The following MCM6 variants were observed in gnomAD, a reference collection of about 807,000 sequenced individuals.
MCM6 encodes the protein minichromosome maintenance complex component 6.
MCM6 carries 46 observed loss-of-function variants against 94.3 expected under a neutral mutation model. The ratio of observed to expected loss-of-function variants is 0.49; its 90% CI spans 0.39 to 0.62. The LOEUF is 0.62. Among genes scored for constraint, MCM6 ranks in the 20% least tolerant of loss-of-function variants. The pLI, the probability that MCM6 is intolerant of heterozygous loss-of-function variation, is 0.00. For synonymous variants in MCM6, 335 were observed against 351.9 expected (o/e 0.95, Z 0.54); for missense variants, 865 against 1,017.9 (o/e 0.85, Z 2.04).
intron 14 of MCM6, among the ~76,000 whole-genome samples, chr2:135,847,031 CA>C (rs963436530): frequency 1.0e-4 from 15 of 148,988 alleles, no homozygotes; most frequent in African/African-American, 3.7e-4. Context: ...AAAAAACAAA[CA>C]AAAAAAAACA....
At chr2:135,854,303 C>T (rs1402191549) in intron 11 of MCM6, among the ~76,000 whole-genome samples, 3 of 151,882 alleles carry the variant, frequency 2.0e-5, no homozygotes, top group Non-Finnish European at 2.9e-5. Context: ...GAGGCCAAGA[C>T]GGGATCACCT....
chr2:135,844,479 C>G, intron 16 of MCM6, 66 bp downstream of exon 16: 1 of 1,344,502 alleles, frequency 7.4e-7, no homozygotes. Context: ...CACTAGTGAA[C>G]CTGCAGATAC....
chr2:135,851,918 G>A, intron 12 of MCM6: 1 of 159,280 alleles, frequency 6.3e-6, no homozygotes, highest in Non-Finnish European at 1.4e-5. Context: ...AGTATTTGAG[G>A]CTCAATTAAT....
intron 7 of MCM6, among the ~76,000 whole-genome samples, chr2:135,863,387 T>C (rs4988189): frequency 0.029 from 4,481 of 152,308 alleles, 93 homozygotes; most frequent in East Asian, 0.061. Flanking sequence ...CAAAGTGCTA[T>C]GCAAAGTTAC....
At chr2:135,867,466 TACCA>T (rs1680112578) in intron 4 of MCM6, among the ~76,000 whole-genome samples, 1 of 152,182 alleles carries the variant, frequency 6.6e-6, no homozygotes, top group South Asian at 2.1e-4. Context: ...TCTTATAAGC[TACCA>T]GGTTAATGTA....
At position 135,852,817 on chromosome 2, in the gene MCM6, A is replaced by G. The variant is rs563728454; in HGVS notation, c.1725T>C (p.Tyr575=). The G allele has an allele frequency of 3.1e-6, 5 of 1,606,200 alleles. No individual in the cohort carries two copies. Among genetic ancestry groups the G allele is most frequent in the African/African-American group, 2.7e-5 (2 of 74,494 alleles). Residue 575 remains tyrosine (Y), a synonymous_variant, in exon 12 of 17, where the codon TAT becomes TAC. Coordinates refer to ENST00000264156, the MANE Select transcript of MCM6 (RefSeq NM_005915.6). ...GTTTAAACTGTCTTGCAAAGAGAAG[A>G]TATCTTCTGATATCATCGAGGGAAT... The part of the protein sequence containing the change: ...RVYSLDDIRR[Y]LLFARQFKPK...
intron 13 of MCM6, among the ~76,000 whole-genome samples, chr2:135,850,802 T>C (rs1383823768): frequency 2.0e-5 from 3 of 152,184 alleles, no homozygotes; most frequent in Admixed American, 2.0e-4. Context: ...CATTTCCCTT[T>C]TTATAAATTA....
chr2:135,856,301 C>A (rs1006414758), intron 11 of MCM6, among the ~76,000 whole-genome samples: 1 of 151,984 alleles, frequency 6.6e-6, no homozygotes, highest in South Asian at 2.1e-4. Context: ...AAATTAGCCA[C>A]GCATGGTGTT....
intron 12 of MCM6, 46 bp from the exon 13 acceptor site, chr2:135,851,609 G>A (rs1431718925): frequency 1.3e-6 from 2 of 1,503,468 alleles, no homozygotes; most frequent in Non-Finnish European, 8.9e-7. Flanking sequence ...TCTATTTGAT[G>A]AGAGCTACGG....
At chr2:135,854,340 G>A (rs1388044405) in intron 11 of MCM6, among the ~76,000 whole-genome samples, 2 of 151,930 alleles carry the variant, frequency 1.3e-5, no homozygotes, top group East Asian at 3.9e-4. Context: ...GACCAGCCTG[G>A]CCAATAAAGT....
In MCM6 at chr2:135,851,524, T is replaced by C; in HGVS notation, c.1795A>G (p.Lys599Glu). ...GAACCATCTCTCTGGCGGAGATGTTTATATTGCTCCACAATGAAGTCCTCT... is the reference window on the plus strand; with the variant it reads ...GAACCATCTCTCTGGCGGAGATGTTCATATTGCTCCACAATGAAGTCCTCT... ...ESEDFIVEQY[K>E]HLRQRDGSGV... Residue 599 changes from lysine to glutamate, a missense_variant, in exon 13 of 17, where the codon AAA becomes GAA. Around this residue, in one of 3 missense-constraint regions of MCM6, gnomAD observed 308 missense variants for 324.5 expected, o/e 0.95. Transcript: ENST00000264156. The C allele has an allele frequency of 6.2e-7, 1 of 1,612,584 alleles. No individual in the cohort carries two copies. Among genetic ancestry groups the C allele is most frequent in the Non-Finnish European group, 8.5e-7 (1 of 1,179,422 alleles).
At chr2:135,872,655 T>C (rs1680223144) in intron 2 of MCM6, 42 bp downstream of exon 2, 1 of 1,600,176 alleles carries the variant, frequency 6.2e-7, no homozygotes, top group South Asian at 1.1e-5. Context: ...CTTCCCGGAT[T>C]TCAACCCCTA....
Position 135,876,416 on chromosome 2 carries a change from C to A in MCM6, c.-51G>T. ...TGCGCCACGCTCGACCGCCACAAGT[C>A]GCTTTTTTCCAGACGCTGCAGCTTT... is the stretch of plus-strand genomic sequence containing the variant. On this transcript the variant is annotated 5_prime_UTR_variant, in exon 1 of 17. Transcript: ENST00000264156. 4 of 1,491,632 alleles carry A rather than the reference C, an allele frequency of 2.7e-6. No homozygotes were observed. In the South Asian group the frequency reaches 3.6e-5, roughly 14 times the overall value. The allele number at this position is 1,491,632 out of a possible 1,614,324, so 92.4% of individuals were successfully genotyped here.
At position 135,857,989 on chromosome 2, in the gene MCM6, C is replaced by T. The variant is rs757811066; in HGVS notation, c.1378G>A (p.Asp460Asn). ...CGCACGTCCATCTTATCAAATTCAT[C>T]AATACAACACACACCCTGTAACCAA... The part of the protein sequence containing the change: ...MLADNGVCCI[D>N]EFDKMDVRDQ... The change falls in exon 10 of 17, where the codon GAT becomes AAT. Residue 460 changes from aspartate (D) to asparagine (N), a missense_variant. Asp to Asn is a conservative substitution (Grantham distance 23). Transcript: ENST00000264156. 1 of 1,613,474 alleles carries T rather than the reference C, an allele frequency of 6.2e-7. No individual in the cohort carries two copies. The highest frequency in any genetic ancestry group is 8.5e-7 in the Non-Finnish European group (1 of 1,179,974).
At chr2:135,862,781 A>G (rs1465952349) in intron 7 of MCM6, 33 bp from the exon 8 acceptor site, 3 of 1,608,210 alleles carry the variant, frequency 1.9e-6, no homozygotes, top group Middle Eastern at 1.7e-4. Flanking sequence ...ATGAAAAACT[A>G]ATTTTTCAAC....
chr2:135,849,762 G>A (rs191821152), intron 13 of MCM6, among the ~76,000 whole-genome samples: 15 of 152,080 alleles, frequency 9.9e-5, no homozygotes, highest in South Asian at 4.2e-4. Flanking sequence ...TCAAAAAGAT[G>A]GATTGTTCAA....
At position 135,862,731 on chromosome 2, in the gene MCM6, G is replaced by A. The variant is rs758133073; in HGVS notation, c.1096C>T (p.Arg366Trp). ...PTIHGNDEVK[R>W]GVLLMLFGGV... ...CCAAAGAGCATCAGCAGGACACCCC[G>A]TTTTACTTCATCATTGCCTGAAATG... is the stretch of plus-strand genomic sequence containing the variant. Residue 366 changes from arginine (R) to tryptophan (W), a missense_variant, in exon 8 of 17, where the codon CGG becomes TGG. Physicochemically the swap from Arg to Trp is moderately radical, Grantham distance 101. Coordinates refer to ENST00000264156, the MANE Select transcript of MCM6 (RefSeq NM_005915.6). 2 of 1,613,588 alleles carry A rather than the reference G, an allele frequency of 1.2e-6. No individual in the cohort carries two copies. The highest frequency in any genetic ancestry group is 1.3e-5 in the African/African-American group (1 of 74,850).
chr2:135,870,301 A>T lies in MCM6; in HGVS notation c.315T>A (p.Pro105=), dbSNP rs1456843738. 8 of 1,613,838 alleles carry T rather than the reference A, an allele frequency of 5.0e-6. No individual in the cohort carries two copies. The highest frequency in any genetic ancestry group is 6.8e-6 in the Non-Finnish European group (8 of 1,179,894). ...ATGCAACATAAAAATCCTTGGCAAG[A>T]GGGATCTCTTTACGGTCTTTGACGA... is the stretch of plus-strand genomic sequence containing the variant. The part of the protein sequence containing the change: ...KTFVKDRKEI[P]LAKDFYVAFQ... The change falls in exon 3 of 17, where the codon CCT becomes CCA. Residue 105 remains proline (P), a synonymous_variant. Transcript: ENST00000264156.
chr2:135,868,865 T>A lies in MCM6; in HGVS notation c.366-5A>T. On this transcript the variant is annotated splice_region_variant and splice_polypyrimidine_tract_variant and intron_variant, in intron 3 of 16. Coordinates refer to ENST00000264156, the MANE Select transcript of MCM6 (RefSeq NM_005915.6). Reference sequence around the variant, plus strand: ...GATGAGGTGAGCTCTCGAATCCTGTTTAAAGACAAATGTCCCATTAGTAAA... The same window carrying A: ...GATGAGGTGAGCTCTCGAATCCTGTATAAAGACAAATGTCCCATTAGTAAA... The A allele has an allele frequency of 6.2e-7, 1 of 1,613,174 alleles. No homozygotes were observed. The highest frequency in any genetic ancestry group is 1.1e-5 in the South Asian group (1 of 91,048).
Sources: gnomAD v4.1 joint callset for allele counts (sites outside exome capture counted in the v4.1 genomes callset) on GRCh38, gnomAD v4.1.1 for gene constraint, gnomAD v4.1.1 regional missense constraint, MANE v1.5 for transcripts, NCBI Gene and HGNC (gene_info 2026-07-23, HGNC 2026-07-21) for gene names.